EIF2AK2: variants seen among roughly 807,000 people sequenced by gnomAD.
EIF2AK2 encodes the protein eukaryotic translation initiation factor 2 alpha kinase 2.
In EIF2AK2, 40 loss-of-function variants were observed where a neutral mutation model predicts 70.5. The ratio of observed to expected loss-of-function variants is 0.57; its 90% CI spans 0.44 to 0.74. The LOEUF is 0.74. Among genes scored for constraint, EIF2AK2 ranks in the 30% least tolerant of loss-of-function variants. The probability of loss-of-function intolerance (pLI) is 0.00; values close to 1 mark genes in which losing one functional copy is unlikely to be tolerated. For missense variants in EIF2AK2, 555 were observed against 644.3 expected (o/e 0.86, Z 1.50); for synonymous variants, 198 against 220.9 (o/e 0.90, Z 0.92).
At chr2:37,155,190 T>C (rs1675881510) in intron 1 of EIF2AK2, among the ~76,000 whole-genome samples, 1 of 152,130 alleles carries the variant, frequency 6.6e-6, no homozygotes, top group Admixed American at 6.5e-5. Context: ...CTTGACTCTA[T>C]TCCTTCTGCT....
intron 13 of EIF2AK2, 97 bp downstream of exon 13, chr2:37,119,862 G>A (rs890670996): frequency 1.4e-6 from 1 of 705,302 alleles, no homozygotes; most frequent in African/African-American, 1.9e-5. Context: ...AAAGTGTTGA[G>A]ATTATAGGCG....
intron 1 of EIF2AK2, chr2:37,149,254 C>A: frequency 9.1e-7 from 1 of 1,096,526 alleles, no homozygotes. Context: ...AAAGTATGAG[C>A]AAACTGAAAT....
intron 14 of EIF2AK2, among the ~76,000 whole-genome samples, chr2:37,113,580 T>A: frequency 6.7e-6 from 1 of 150,108 alleles, no homozygotes; most frequent in Admixed American, 6.6e-5. Flanking sequence ...AGAAAAATTC[T>A]ATAATATAGT....
rs1196879377 is a variant in EIF2AK2 at position 37,138,564 on chromosome 2, C to A, written c.538G>T (p.Gly180Cys). 6.2e-7 allele frequency: 1 copy of A among 1,613,976 alleles called. No homozygotes were observed. Among genetic ancestry groups the A allele is most frequent in the African/African-American group, 1.3e-5 (1 of 74,920 alleles). ...TSVKSDYLSS[G>C]SFATTCESQS... ...GACTCACACGTAGTAGCAAAAGAAC[C>A]AGAGGACAGGTAGTCAGATTTCTGA... is the stretch of plus-strand genomic sequence containing the variant. Residue 180 changes from glycine (G) to cysteine (C), a missense_variant, in exon 7 of 17, where the codon GGT becomes TGT. Physicochemically the swap from Gly to Cys is radical, Grantham distance 159. Coordinates refer to ENST00000233057, the MANE Select transcript of EIF2AK2 (RefSeq NM_001135651.3).
At chr2:37,154,343 C>A (rs1476777179) in intron 1 of EIF2AK2, among the ~76,000 whole-genome samples, 2 of 150,894 alleles carry the variant, frequency 1.3e-5, no homozygotes, top group African/African-American at 2.4e-5. Context: ...AAAACAAAAA[C>A]AAAACAAACA....
rs774609429 is a variant in EIF2AK2 at position 37,107,328 on chromosome 2, C to T, written c.1601G>A (p.Arg534Lys). The T allele has an allele frequency of 1.4e-5, 23 of 1,613,922 alleles. No homozygotes were observed. The highest frequency in any genetic ancestry group is 1.9e-5 in the Non-Finnish European group (23 of 1,179,974). Residue 534 changes from arginine to lysine, a missense_variant, in exon 17 of 17, where the codon AGG becomes AAG. Arg to Lys is a conservative substitution (Grantham distance 26). Around this residue, in one of 3 missense-constraint regions of EIF2AK2, gnomAD observed 299 missense variants for 375.4 expected, o/e 0.80. Coordinates refer to ENST00000233057, the MANE Select transcript of EIF2AK2 (RefSeq NM_001135651.3). ...EDRPNTSEILRTLTVWKKSPE... is the reference protein window; with the variant it reads ...EDRPNTSEILKTLTVWKKSPE... The stretch of plus-strand genomic sequence containing the variant: ...GCTTTTCTTCCACACAGTCAAGGTC[C>T]TTAGTATTTCAGATGTGTTAGGTCG...
chr2:37,108,387 A>C (rs1674034333), intron 15 of EIF2AK2, among the ~76,000 whole-genome samples: 1 of 152,150 alleles, frequency 6.6e-6, no homozygotes, highest in Non-Finnish European at 1.5e-5. Context: ...GTTTTGGACT[A>C]TTAGAAGCCA....
chr2:37,149,388 C>A, intron 1 of EIF2AK2: 1 of 522,550 alleles, frequency 1.9e-6, no homozygotes. Context: ...GCTTGATTGT[C>A]AAATGACAAA....
intron 1 of EIF2AK2, among the ~76,000 whole-genome samples, chr2:37,149,528 G>A (rs1344606298): frequency 6.6e-6 from 1 of 151,238 alleles, no homozygotes; most frequent in East Asian, 2.0e-4. Flanking sequence ...ATATAAACAT[G>A]TAGGGTGTAG....
At chr2:37,153,983 T>C (rs1675834145) in intron 1 of EIF2AK2, among the ~76,000 whole-genome samples, 1 of 152,190 alleles carries the variant, frequency 6.6e-6, no homozygotes, top group East Asian at 1.9e-4. Flanking sequence ...CCATCACTTG[T>C]TATTATCTGT....
In EIF2AK2 at chr2:37,146,891, C is replaced by T; in HGVS notation, c.202G>A (p.Ala68Thr). 1 of 1,613,936 alleles carries T rather than the reference C, an allele frequency of 6.2e-7. No homozygotes were observed. The highest frequency in any genetic ancestry group is 8.5e-7 in the Non-Finnish European group (1 of 1,179,988). The change falls in exon 4 of 17, where the codon GCC (alanine) becomes ACC (threonine). Residue 68 changes from alanine to threonine, a missense_variant. By Grantham distance (58) the Ala-to-Thr change is moderately conservative (BLOSUM62 0). Coordinates refer to ENST00000233057, the MANE Select transcript of EIF2AK2 (RefSeq NM_001135651.3). ...RSKKEAKNAA[A>T]KLAVEILNKE... is the part of the protein sequence containing the mutation. ...TTAAGTATCTCAACAGCTAATTTGG[C>T]TGCGGCATTTTTTGCTTCCTTCTTT...
At chr2:37,126,833 T>C (rs1012444657) in intron 10 of EIF2AK2, among the ~76,000 whole-genome samples, 4 of 151,780 alleles carry the variant, frequency 2.6e-5, no homozygotes, top group Admixed American at 1.3e-4. Context: ...GGCGAGTGCC[T>C]GTAATCCCAG....
At chr2:37,143,467 T>C (rs1675412845) in intron 4 of EIF2AK2, among the ~76,000 whole-genome samples, 1 of 152,158 alleles carries the variant, frequency 6.6e-6, no homozygotes, top group Non-Finnish European at 1.5e-5. Context: ...TATCCACGGG[T>C]TTCAAATCCC....
intron 15 of EIF2AK2, among the ~76,000 whole-genome samples, chr2:37,108,103 G>A (rs139187631): frequency 0.021 from 3,133 of 148,690 alleles, 99 homozygotes; most frequent in African/African-American, 0.073. Flanking sequence ...CCAAGATCGC[G>A]CCATTGCACT....
intron 10 of EIF2AK2, among the ~76,000 whole-genome samples, chr2:37,131,648 TCTTGCCGTGTTTTACCAC>T (rs1423847818): frequency 1.3e-5 from 2 of 152,148 alleles, no homozygotes. Context: ...TTGAAAGTTC[TCTTGCCGTGTTTTACCAC>T]CTTACTTCCA....
intron 14 of EIF2AK2, among the ~76,000 whole-genome samples, chr2:37,112,690 G>A (rs1674200763): frequency 6.6e-6 from 1 of 152,168 alleles, no homozygotes; most frequent in Non-Finnish European, 1.5e-5. Flanking sequence ...ACAGAACAAA[G>A]TCCAGAAACA....
At chr2:37,142,608 T>C (rs1675373590) in intron 4 of EIF2AK2, among the ~76,000 whole-genome samples, 1 of 152,140 alleles carries the variant, frequency 6.6e-6, no homozygotes, top group African/African-American at 2.4e-5. Flanking sequence ...CTCAATTTTC[T>C]ACCTCATTAA....
chr2:37,148,741 G>C, intron 2 of EIF2AK2, 116 bp downstream of exon 2: 1 of 838,972 alleles, frequency 1.2e-6, no homozygotes, highest in South Asian at 1.3e-5. Context: ...AGGATTTACA[G>C]AAGTCGTGTT....
intron 11 of EIF2AK2, among the ~76,000 whole-genome samples, chr2:37,124,551 GC>G (rs1467437789): frequency 6.6e-6 from 1 of 151,498 alleles, no homozygotes; most frequent in African/African-American, 2.4e-5. Context: ...GAGCCACCAT[GC>G]CTGGCCCAGC....
Sources: gnomAD v4.1 joint callset for allele counts (sites outside exome capture counted in the v4.1 genomes callset) on GRCh38, gnomAD v4.1.1 for gene constraint, gnomAD v4.1.1 regional missense constraint, MANE v1.5 for transcripts, NCBI Gene and HGNC (gene_info 2026-07-23, HGNC 2026-07-21) for gene names.